Variants in WDR88 observed in about 807,000 individuals in gnomAD.
WDR88 encodes the protein WD repeat domain 88.
WDR88 carries 40 observed loss-of-function variants against 46.8 expected under a neutral mutation model. The ratio of observed to expected loss-of-function variants is 0.86; its 90% CI spans 0.66 to 1.11. The LOEUF is 1.11. Ranked by LOEUF, WDR88 falls within the 50% of genes most tolerant of loss-of-function variation. The pLI, the probability that WDR88 is intolerant of heterozygous loss-of-function variation, is 0.00. For missense variants in WDR88, 562 were observed against 602.4 expected (o/e 0.93, Z 0.70); for synonymous variants, 235 against 240.7 (o/e 0.98, Z 0.22).
intron 6 of WDR88, 21 bp downstream of exon 6, chr19:33,151,331 C>A: frequency 1.2e-6 from 2 of 1,607,306 alleles, no homozygotes; most frequent in South Asian, 1.1e-5. Flanking sequence ...CCCCAGGAGG[C>A]CAGAAGGGAG....
intron 2 of WDR88, among the ~76,000 whole-genome samples, chr19:33,140,747 A>G (rs62125324): frequency 0.12 from 18,035 of 151,558 alleles, 1,223 homozygotes; most frequent in South Asian, 0.2. Flanking sequence ...CCGAGATCGC[A>G]CCACTGCACT....
At chr19:33,163,040 A>G (rs1212132937) in intron 8 of WDR88, among the ~76,000 whole-genome samples, 4 of 152,194 alleles carry the variant, frequency 2.6e-5, no homozygotes, top group Non-Finnish European at 2.9e-5. Flanking sequence ...TCTATTAAAA[A>G]TACAAACATT....
chr19:33,170,065 C>T (rs1004751121), intron 9 of WDR88, among the ~76,000 whole-genome samples: 18 of 151,786 alleles, frequency 1.2e-4, no homozygotes, highest in African/African-American at 3.6e-4. Context: ...TTAGTACAGA[C>T]GGGGTTTCTC....
At chr19:33,172,520 T>G (rs1304151817) in intron 10 of WDR88, 80 bp downstream of exon 10, 1 of 1,244,896 alleles carries the variant, frequency 8.0e-7, no homozygotes, top group Admixed American at 2.1e-5. Context: ...TGAATGAACT[T>G]TGGGCACCTG....
intron 9 of WDR88, among the ~76,000 whole-genome samples, chr19:33,165,388 C>T (rs1035770188): frequency 6.6e-6 from 1 of 151,510 alleles, no homozygotes; most frequent in African/African-American, 2.4e-5. Flanking sequence ...CATAATAATA[C>T]AATATATAGC....
At chr19:33,135,173 G>C (rs1973236811) in intron 1 of WDR88, among the ~76,000 whole-genome samples, 2 of 151,946 alleles carry the variant, frequency 1.3e-5, no homozygotes, top group South Asian at 2.1e-4. Flanking sequence ...TGGTTTCTAG[G>C]GTATTCAGAG....
intron 8 of WDR88, among the ~76,000 whole-genome samples, chr19:33,162,981 T>A (rs1973894086): frequency 6.6e-6 from 1 of 152,010 alleles, no homozygotes; most frequent in South Asian, 2.1e-4. Context: ...GTGGATCACT[T>A]GAGGTCAGGA....
In WDR88 at chr19:33,148,633, T is replaced by C. The variant is rs113578064; in HGVS notation, c.541-139T>C. 103 of 1,016,008 alleles carry C rather than the reference T, an allele frequency of 1.0e-4. 1 individual carries two copies. In the African/African-American group the frequency reaches 1.3e-3, roughly 12 times the overall value. 62.9% of individuals were successfully genotyped at this position (1,016,008 alleles called of 1,614,324 possible). On this transcript the variant is annotated intron_variant, in intron 4 of 10. Transcript: ENST00000355868. ...TGTTTTACTTTTGTAGAGATGGAGA[T>C]CTTGCATGTTTCCCAGGCTAGTCTC...
At chr19:33,132,825 G>C (rs1052538820) in intron 1 of WDR88, among the ~76,000 whole-genome samples, 4 of 152,206 alleles carry the variant, frequency 2.6e-5, no homozygotes, top group African/African-American at 9.6e-5. Flanking sequence ...AGGAGATACA[G>C]TTAGCGTCAG....
intron 2 of WDR88, among the ~76,000 whole-genome samples, chr19:33,140,882 G>A (rs1973375970): frequency 6.6e-6 from 1 of 150,602 alleles, no homozygotes; most frequent in African/African-American, 2.4e-5. Flanking sequence ...TGTGTTTTCT[G>A]TAATAAAATC....
intron 5 of WDR88, among the ~76,000 whole-genome samples, chr19:33,149,325 AAAAC>A (rs3884141): frequency 7.3e-5 from 11 of 150,030 alleles, no homozygotes; most frequent in East Asian, 3.9e-4. Flanking sequence ...CCATCTCAAA[AAAAC>A]AAACAAACAA....
At chr19:33,132,518 G>C in intron 1 of WDR88, 73 bp downstream of exon 1, 1 of 1,563,680 alleles carries the variant, frequency 6.4e-7, no homozygotes. Context: ...GAGCTGTCGG[G>C]GGACCCATGG....
chr19:33,164,919 T>C (rs1267372218), intron 9 of WDR88, among the ~76,000 whole-genome samples: 5 of 151,858 alleles, frequency 3.3e-5, no homozygotes, highest in African/African-American at 7.3e-5. Context: ...CCCACCATTA[T>C]GTAGAATCAG....
chr19:33,140,207 T>A (rs1568359663), intron 2 of WDR88, among the ~76,000 whole-genome samples: 1 of 152,154 alleles, frequency 6.6e-6, no homozygotes. Flanking sequence ...CAGGCTGGAG[T>A]GCAGTGGTGC....
rs546524232 is a variant in WDR88 at position 33,134,363 on chromosome 19, AT to A, written c.276+1926del. The stretch of plus-strand genomic sequence containing the variant: ...TTTTAAATTATTAATTTTAATTTTG[AT>A]TTTTTTTGTAGAGAGGGGGAGTCTC... On this transcript the variant is annotated intron_variant, in intron 1 of 10. Transcript: ENST00000355868. Among the ~76,000 whole-genome samples, 17 of 151,536 alleles carry A rather than the reference AT, an allele frequency of 1.1e-4. No homozygotes were observed. In the South Asian group the frequency reaches 1.9e-3, roughly 17 times the overall value.
chr19:33,174,357 C>A, intron 10 of WDR88: 1 of 1,445,162 alleles, frequency 6.9e-7, no homozygotes, highest in Non-Finnish European at 9.1e-7. Context: ...AACAGCAAAG[C>A]CCAGGGGCTG....
intron 1 of WDR88, among the ~76,000 whole-genome samples, chr19:33,136,056 ATTTT>A (rs34431041): frequency 7.3e-6 from 1 of 136,094 alleles, no homozygotes; most frequent in Non-Finnish European, 1.6e-5. Context: ...CACTCGGCTA[ATTTT>A]TTTTTTTTTT....
intron 1 of WDR88, among the ~76,000 whole-genome samples, chr19:33,133,196 T>TAAAG (rs1215009794): frequency 3.2e-5 from 2 of 61,808 alleles, no homozygotes; most frequent in African/African-American, 7.2e-5. Context: ...AATAAATAAA[T>TAAAG]ATAGAGAGAG....
chr19:33,174,434 CCCCTGA>C, intron 10 of WDR88: 17 of 1,373,838 alleles, frequency 1.2e-5, no homozygotes, highest in Non-Finnish European at 1.4e-5. Context: ...ATGGTGGGAA[CCCCTGA>C]GGGGCCTCTG....
Sources: gnomAD v4.1 joint callset for allele counts (sites outside exome capture counted in the v4.1 genomes callset) on GRCh38, gnomAD v4.1.1 for gene constraint, MANE v1.5 for transcripts, NCBI Gene and HGNC (gene_info 2026-07-23, HGNC 2026-07-21) for gene names.